The following SNX30 variants were observed in gnomAD, a reference collection of about 807,000 sequenced individuals.
The protein encoded by SNX30 is sorting nexin-30.
A neutral mutation model predicts 46.4 loss-of-function variants in SNX30; 24 were observed. The ratio of observed to expected loss-of-function variants is 0.52; its 90% CI spans 0.37 to 0.73. The LOEUF is 0.73. Ranked by LOEUF, SNX30 falls within the 30% of genes least tolerant of loss-of-function variation. The pLI, the probability that SNX30 is intolerant of heterozygous loss-of-function variation, is 0.00. For missense variants in SNX30, 533 were observed against 555.7 expected (o/e 0.96, Z 0.41); for synonymous variants, 189 against 211.5 (o/e 0.89, Z 0.92).
chr9:112,836,091 A>G, intron 4 of SNX30, 123 bp from the exon 5 acceptor site: 1 of 935,912 alleles, frequency 1.1e-6, no homozygotes, highest in Non-Finnish European at 1.6e-6. Context: ...AGAGCCTCTA[A>G]CTCAGCTCCT....
At chr9:112,830,486 A>G (rs1840644374) in intron 3 of SNX30, among the ~76,000 whole-genome samples, 1 of 152,088 alleles carries the variant, frequency 6.6e-6, no homozygotes, top group Admixed American at 6.6e-5. Flanking sequence ...ATAAATATCT[A>G]CTTTTCTGTA....
intron 1 of SNX30, among the ~76,000 whole-genome samples, chr9:112,752,151 C>T (rs1452553585): frequency 6.6e-6 from 1 of 152,146 alleles, no homozygotes; most frequent in Non-Finnish European, 1.5e-5. Flanking sequence ...AGAGGGGACA[C>T]CATGTGGTAC....
chr9:112,838,839 A>T lies in SNX30; in HGVS notation c.1014+142A>T, dbSNP rs1840810335. 5 of 692,622 alleles carry T rather than the reference A, an allele frequency of 7.2e-6. No individual in the cohort carries two copies. In the Admixed American group the frequency reaches 8.8e-5, roughly 12 times the overall value. The allele number at this position is 692,622 out of a possible 1,614,324, so 42.9% of individuals were successfully genotyped here. A position where few individuals can be genotyped will look rare whatever the true frequency, so the allele number is the denominator to read the frequency against. ...AGGATCAGACACGTGGACTGACATC[A>T]TGGACATATAAATGGAACACATGGT... On this transcript the variant is annotated intron_variant, in intron 6 of 8. Coordinates refer to ENST00000374232, the MANE Select transcript of SNX30 (RefSeq NM_001012994.2).
intron 1 of SNX30, among the ~76,000 whole-genome samples, 161 bp downstream of exon 1, chr9:112,751,318 C>T (rs972364908): frequency 5.3e-5 from 8 of 152,194 alleles, no homozygotes; most frequent in African/African-American, 1.9e-4. Context: ...AGCGTCTCCT[C>T]TGCCGCCTCC....
At position 112,841,360 on chromosome 9, in the gene SNX30, A is replaced by G. The variant is rs527684510; in HGVS notation, c.1014+2663A>G. 3.3e-5 allele frequency among the ~76,000 whole-genome samples: 5 copies of G among 152,386 alleles called. No homozygotes were observed. The South Asian group carries it at 8.3e-4, about 25-fold the overall frequency. On this transcript the variant is annotated intron_variant, in intron 6 of 8. Transcript: ENST00000374232. ...AGACATAGCTTGTGTAATTTAAGTT[A>G]GACATCAAAGAAACATTTGTTTGCT...
chr9:112,858,977 A>G (rs1841182326), intron 7 of SNX30, among the ~76,000 whole-genome samples: 1 of 152,228 alleles, frequency 6.6e-6, no homozygotes, highest in Admixed American at 6.5e-5. Context: ...TTAACCATTT[A>G]AAAGTGTACA....
rs1019349249 is a variant in SNX30 at position 112,874,531 on chromosome 9, T to C, written c.*5688T>C. On this transcript the variant is annotated 3_prime_UTR_variant, in exon 9 of 9. Transcript: ENST00000374232. ...ATTCTTTACGTTTAAAATTTTAAAA[T>C]AAAAACCTTCTGAGGTATTGATGTA... is the stretch of plus-strand genomic sequence containing the variant. 1.3e-5 allele frequency: 2 copies of C among 152,200 alleles called. No homozygotes were observed. The highest frequency in any genetic ancestry group is 2.9e-5 in the Non-Finnish European group (2 of 68,020). 9.4% of individuals were successfully genotyped at this position (152,200 alleles called of 1,614,324 possible).
chr9:112,813,469 A>ATAT (rs1840349428), intron 2 of SNX30, among the ~76,000 whole-genome samples: 1 of 132,348 alleles, frequency 7.6e-6, no homozygotes, highest in Non-Finnish European at 1.6e-5. Flanking sequence ...ACTGTATTTA[A>ATAT]TTTTTTTTTT....
At chr9:112,781,187 G>A (rs1445072896) in intron 1 of SNX30, among the ~76,000 whole-genome samples, 3 of 152,112 alleles carry the variant, frequency 2.0e-5, no homozygotes, top group Non-Finnish European at 2.9e-5. Flanking sequence ...TCACTTTGGT[G>A]GGAGAAACAA....
chr9:112,830,903 T>C lies in SNX30; in HGVS notation c.618+20T>C. 6.3e-7 allele frequency: 1 copy of C among 1,590,368 alleles called. No homozygotes were observed. The highest frequency in any genetic ancestry group is 8.5e-7 in the Non-Finnish European group (1 of 1,170,890). On this transcript the variant is annotated intron_variant, in intron 4 of 8. Coordinates refer to ENST00000374232, the MANE Select transcript of SNX30 (RefSeq NM_001012994.2). ...GCTAAGGTAAGGGCAGAAATTTACA[T>C]CCTCTTCGTCCATATTACCATTCTT...
intron 3 of SNX30, 127 bp downstream of exon 3, chr9:112,817,942 C>T (rs1300834407): frequency 1.8e-5 from 12 of 675,088 alleles, no homozygotes; most frequent in African/African-American, 7.1e-5. Context: ...AACATGTTAA[C>T]GGACACTGTA....
chr9:112,832,839 TTA>T (rs1564284928), intron 4 of SNX30, among the ~76,000 whole-genome samples: 2 of 146,484 alleles, frequency 1.4e-5, no homozygotes, highest in Non-Finnish European at 3.0e-5. Context: ...AATAAATATA[TTA>T]ATATATAATA....
intron 2 of SNX30, among the ~76,000 whole-genome samples, chr9:112,815,062 T>C (rs924621010): frequency 2.6e-5 from 4 of 152,158 alleles, no homozygotes; most frequent in Admixed American, 1.3e-4. Flanking sequence ...TGGAAACATA[T>C]AAACCATGTT....
At chr9:112,860,554 T>C (rs1312691115) in intron 7 of SNX30, among the ~76,000 whole-genome samples, 1 of 152,176 alleles carries the variant, frequency 6.6e-6, no homozygotes, top group African/African-American at 2.4e-5. Context: ...GCCAAATCTG[T>C]CAGTTCTGTC....
intron 2 of SNX30, among the ~76,000 whole-genome samples, chr9:112,809,994 A>G (rs1184632261): frequency 6.6e-6 from 1 of 152,182 alleles, no homozygotes; most frequent in African/African-American, 2.4e-5. Context: ...GCTCCTGGGA[A>G]GGCGGAGGAA....
chr9:112,804,795 G>A lies in SNX30; in HGVS notation c.176G>A (p.Gly59Asp), dbSNP rs1840198598. ...TTTTAGGATCTCATTTTGCCCAACG[G>A]TGGTACTCCAGCAGGTACTTCAAGT... Reference protein sequence around the residue: ...FGDKDLILPNGGTPAGTSSPA... With the variant: ...FGDKDLILPNDGTPAGTSSPA... Residue 59 changes from glycine (G) to aspartate (D), a missense_variant, in exon 2 of 9, where the codon GGT becomes GAT. Transcript: ENST00000374232. 1.9e-6 allele frequency: 3 copies of A among 1,610,642 alleles called. No individual in the cohort carries two copies. The highest frequency in any genetic ancestry group is 2.5e-6 in the Non-Finnish European group (3 of 1,178,104).
intron 1 of SNX30, among the ~76,000 whole-genome samples, chr9:112,787,021 G>A (rs190261926): frequency 6.6e-6 from 1 of 152,290 alleles, no homozygotes; most frequent in East Asian, 1.9e-4. Context: ...TCTGAGTCAT[G>A]TCAGTGGGAA....
Position 112,751,059 on chromosome 9 carries a change from A to T in SNX30, c.58A>T (p.Met20Leu). 6.7e-7 allele frequency: 1 copy of T among 1,495,298 alleles called. No homozygotes were observed. Among genetic ancestry groups the T allele is most frequent in the Non-Finnish European group, 8.9e-7 (1 of 1,128,530 alleles). The allele number at this position is 1,495,298 out of a possible 1,614,324, so 92.6% of individuals were successfully genotyped here. A position where few individuals can be genotyped will look rare whatever the true frequency, so the allele number is the denominator to read the frequency against. The change falls in exon 1 of 9, where the codon ATG becomes TTG. Residue 20 changes from methionine to leucine, a missense_variant. By Grantham distance (15) the Met-to-Leu change is conservative. Transcript: ENST00000374232. ...CACGGGGCCCCACTCCCTGCGCGAC[A>T]TGCCGCACCCGCTGGCCGGCTCCAG... ...PSTGPHSLRD[M>L]PHPLAGSSSE...
chr9:112,867,434 T>C (rs188132915), intron 8 of SNX30, among the ~76,000 whole-genome samples: 5 of 96,984 alleles, frequency 5.2e-5, no homozygotes, highest in East Asian at 3.4e-4. Context: ...CTCCTCCTCC[T>C]TCCTCAGAAC....
Sources: allele counts gnomAD v4.1 joint callset (sites outside exome capture counted in the v4.1 genomes callset), GRCh38; gene constraint gnomAD v4.1.1; transcripts MANE v1.5; gene names NCBI Gene and HGNC (gene_info 2026-07-23, HGNC 2026-07-21).